PPP1R21: variants seen among roughly 807,000 people sequenced by gnomAD.
The protein encoded by PPP1R21 is protein phosphatase 1 regulatory subunit 21.
PPP1R21 carries 85 observed loss-of-function variants against 112.8 expected under a neutral mutation model. The ratio of observed to expected loss-of-function variants is 0.75; its 90% CI spans 0.63 to 0.90. The LOEUF (loss-of-function observed/expected upper bound fraction) is 0.90, where lower values mean the gene tolerates loss of function less well. Ranked by LOEUF, PPP1R21 falls within the 40% of genes least tolerant of loss-of-function variation. The pLI is 0.00. For synonymous variants in PPP1R21, 381 were observed against 322.3 expected (o/e 1.18, Z -1.95); for missense variants, 1,199 against 901.5 (o/e 1.33, Z -4.23).
chr2:48,483,185 CT>C (rs901480444), intron 13 of PPP1R21, among the ~76,000 whole-genome samples: 5 of 112,308 alleles, frequency 4.5e-5, no homozygotes, highest in East Asian at 2.4e-4. Context: ...AATAAAGATA[CT>C]TTTTTTTCCT....
At chr2:48,504,053 G>T (rs1314945499) in intron 17 of PPP1R21, among the ~76,000 whole-genome samples, 1 of 152,128 alleles carries the variant, frequency 6.6e-6, no homozygotes, top group Non-Finnish European at 1.5e-5. Context: ...GAGTAAGGGG[G>T]TGAGGATGAG....
At chr2:48,442,179 C>A (rs1296425714) in intron 1 of PPP1R21, among the ~76,000 whole-genome samples, 3 of 152,098 alleles carry the variant, frequency 2.0e-5, no homozygotes, top group African/African-American at 7.2e-5. Flanking sequence ...CTTGAAGGGC[C>A]AGAAGTTGTT....
At chr2:48,493,297 GCC>G (rs1195509725) in intron 15 of PPP1R21, among the ~76,000 whole-genome samples, 1 of 152,106 alleles carries the variant, frequency 6.6e-6, no homozygotes, top group Non-Finnish European at 1.5e-5. Flanking sequence ...GAGCCACTGC[GCC>G]CGGCCTTACC....
In PPP1R21 at chr2:48,469,525, T is replaced by TAGAGC. The variant is rs1558457862; in HGVS notation, c.898-1561_898-1560insGAGCA. Among the ~76,000 whole-genome samples the TAGAGC allele has an allele frequency of 1.5e-4, 11 of 71,716 alleles. 2 individuals carry two copies. The highest frequency in any genetic ancestry group is 2.6e-4 in the Non-Finnish European group (10 of 38,598). The allele number at this position is 71,716 out of a possible 152,430, so 47.0% of individuals were successfully genotyped here. Reference sequence around the variant, plus strand: ...TATATAGAGCATATATATATATATATATATATATATAGAGCATATATATAT... The same window carrying TAGAGC: ...TATATAGAGCATATATATATATATATAGAGCATATATATATAGAGCATATATATAT... On this transcript the variant is annotated intron_variant, in intron 9 of 21. Coordinates refer to ENST00000294952, the MANE Select transcript of PPP1R21 (RefSeq NM_001135629.3).
chr2:48,453,954 G>A (rs184728669), intron 2 of PPP1R21, among the ~76,000 whole-genome samples: 33 of 151,666 alleles, frequency 2.2e-4, no homozygotes, highest in Middle Eastern at 3.4e-3. Context: ...TAAATCTGAG[G>A]TTCTTTTTAA....
Position 48,480,020 on chromosome 2 carries a change from G to T in PPP1R21, c.1318+4G>T. 6.3e-7 allele frequency: 1 copy of T among 1,595,540 alleles called. No homozygotes were observed. Among genetic ancestry groups the T allele is most frequent in the South Asian group, 1.1e-5 (1 of 90,706 alleles). On this transcript the variant is annotated splice_donor_region_variant and intron_variant, in intron 13 of 21. Transcript: ENST00000294952. ...GGATTTCATGACGTTATGAAAGGTA[G>T]GCCTTGAAAAAGAACGTAAGCTTAA...
At chr2:48,460,016 T>C in intron 5 of PPP1R21, 79 bp from the exon 6 acceptor site, 1 of 1,594,598 alleles carries the variant, frequency 6.3e-7, no homozygotes, top group African/African-American at 1.3e-5. Flanking sequence ...GTGAGACTTT[T>C]GCCTGCAGGG....
chr2:48,489,752 A>C (rs544941826), intron 14 of PPP1R21, among the ~76,000 whole-genome samples: 1 of 151,778 alleles, frequency 6.6e-6, no homozygotes, highest in East Asian at 2.0e-4. Flanking sequence ...TCTACTAAAC[A>C]TACAAAAATT....
At chr2:48,451,606 AATATG>A (rs997077259) in intron 2 of PPP1R21, among the ~76,000 whole-genome samples, 4 of 152,228 alleles carry the variant, frequency 2.6e-5, no homozygotes, top group African/African-American at 9.6e-5. Context: ...TGAGGGGAGA[AATATG>A]ATAGATGAAG....
In PPP1R21 at chr2:48,461,245, T is replaced by C. The variant is rs1002901063; in HGVS notation, c.694+13T>C. The stretch of plus-strand genomic sequence containing the variant: ...TTTAATGATACAAGTAGGTATTATG[T>C]ACAGTTTTCCATTATTTGTAACTTT... On this transcript the variant is annotated intron_variant, in intron 7 of 21. Transcript: ENST00000294952. 4 of 1,531,778 alleles carry C rather than the reference T, an allele frequency of 2.6e-6. No individual in the cohort carries two copies. The African/African-American group carries it at 5.7e-5, about 22-fold the overall frequency. The allele number at this position is 1,531,778 out of a possible 1,614,324, so 94.9% of individuals were successfully genotyped here. A position where few individuals can be genotyped will look rare whatever the true frequency, so the allele number is the denominator to read the frequency against.
chr2:48,460,458 C>T (rs1288484459), intron 6 of PPP1R21, among the ~76,000 whole-genome samples: 2 of 152,022 alleles, frequency 1.3e-5, no homozygotes, highest in Non-Finnish European at 2.9e-5. Flanking sequence ...CTCTGATAGT[C>T]CCAGGAAGGA....
chr2:48,442,761 T>G (rs1180666212), intron 1 of PPP1R21, among the ~76,000 whole-genome samples: 1 of 152,164 alleles, frequency 6.6e-6, no homozygotes, highest in Admixed American at 6.5e-5. Flanking sequence ...TGAAAGCTCA[T>G]TAAGATTAAT....
At chr2:48,467,035 C>A (rs1668236575) in intron 9 of PPP1R21, among the ~76,000 whole-genome samples, 1 of 152,148 alleles carries the variant, frequency 6.6e-6, no homozygotes, top group Non-Finnish European at 1.5e-5. Flanking sequence ...ATTTCTCTCC[C>A]TGATTGTACT....
chr2:48,501,536 A>G (rs1347183730), intron 17 of PPP1R21, among the ~76,000 whole-genome samples: 4 of 152,156 alleles, frequency 2.6e-5, no homozygotes, highest in Non-Finnish European at 5.9e-5. Flanking sequence ...AAGAGAAATA[A>G]CTCACATGAA....
At chr2:48,497,930 C>A (rs746360244) in intron 16 of PPP1R21, among the ~76,000 whole-genome samples, 1 of 152,038 alleles carries the variant, frequency 6.6e-6, no homozygotes, top group Non-Finnish European at 1.5e-5. Flanking sequence ...GGATTACAGT[C>A]ATGAGCCACC....
chr2:48,467,756 A>G (rs1668269208), intron 9 of PPP1R21, among the ~76,000 whole-genome samples: 1 of 152,248 alleles, frequency 6.6e-6, no homozygotes, highest in African/African-American at 2.4e-5. Context: ...AGACCAGACC[A>G]ACCTTGAAAC....
intron 18 of PPP1R21, among the ~76,000 whole-genome samples, chr2:48,505,805 A>G (rs4293602): frequency 0.75 from 113,625 of 152,184 alleles, 43,362 homozygotes; most frequent in Middle Eastern, 0.93. Flanking sequence ...AACAAATTAT[A>G]GCCTGTTTTT....
At chr2:48,487,894 A>G (rs934929610) in intron 14 of PPP1R21, among the ~76,000 whole-genome samples, 1 of 152,176 alleles carries the variant, frequency 6.6e-6, no homozygotes, top group Non-Finnish European at 1.5e-5. Context: ...AACATCCTAC[A>G]TGTATAAAAC....
At chr2:48,449,893 CA>C (rs1667402207) in intron 1 of PPP1R21, among the ~76,000 whole-genome samples, 1 of 152,016 alleles carries the variant, frequency 6.6e-6, no homozygotes, top group South Asian at 2.1e-4. Flanking sequence ...GCTTCAGCTA[CA>C]ATGAGCTTGT....
Sources: gnomAD v4.1 joint callset for allele counts (sites outside exome capture counted in the v4.1 genomes callset) on GRCh38, gnomAD v4.1.1 for gene constraint, MANE v1.5 for transcripts, NCBI Gene and HGNC (gene_info 2026-07-23, HGNC 2026-07-21) for gene names.